Variants in PCBP3 observed in about 807,000 individuals in gnomAD.
The protein encoded by PCBP3 is poly(rC) binding protein 3.
PCBP3 carries 25 observed loss-of-function variants against 52.7 expected under a neutral mutation model. The ratio of observed to expected loss-of-function variants is 0.47; its 90% CI spans 0.35 to 0.66. The LOEUF (loss-of-function observed/expected upper bound fraction) is 0.66. Ranked by LOEUF, PCBP3 falls within the 30% of genes least tolerant of loss-of-function variation. The pLI is 0.01. For synonymous variants in PCBP3, 162 were observed against 183.0 expected (o/e 0.89, Z 0.93); for missense variants, 391 against 490.3 (o/e 0.80, Z 1.91).
At chr21:45,762,674 G>C (rs1436297841) in intron 4 of PCBP3, 1 of 151,804 alleles carries the variant, frequency 6.6e-6, no homozygotes, top group Admixed American at 6.6e-5. Flanking sequence ...ATTTTTAGTA[G>C]AGGCAGGGTT....
intron 4 of PCBP3, among the ~76,000 whole-genome samples, chr21:45,847,915 G>A (rs534889304): frequency 6.6e-6 from 1 of 152,160 alleles, no homozygotes; most frequent in Admixed American, 6.5e-5. Context: ...TTGCTTTTCT[G>A]TTTTGGGAAC....
chr21:45,744,510 A>G (rs1180042167), intron 3 of PCBP3, among the ~76,000 whole-genome samples: 3 of 152,060 alleles, frequency 2.0e-5, no homozygotes, highest in Non-Finnish European at 4.4e-5. Context: ...TTTTTCAGTC[A>G]TTTTATCTGT....
intron 2 of PCBP3, among the ~76,000 whole-genome samples, chr21:45,733,989 C>T (rs775230545): frequency 6.6e-6 from 1 of 152,212 alleles, no homozygotes; most frequent in East Asian, 1.9e-4. Context: ...TTGCATGCCT[C>T]GTCAGTTTTG....
At chr21:45,888,230 A>T (rs1292892590) in intron 5 of PCBP3, among the ~76,000 whole-genome samples, 1 of 152,178 alleles carries the variant, frequency 6.6e-6, no homozygotes, top group Non-Finnish European at 1.5e-5. Flanking sequence ...TGTAATAATG[A>T]CATCTCCTTT....
At chr21:45,900,941 C>A in intron 8 of PCBP3, 56 bp from the exon 9 acceptor site, 1 of 1,279,530 alleles carries the variant, frequency 7.8e-7, no homozygotes, top group Non-Finnish European at 1.1e-6. Flanking sequence ...CGGCCCCCGA[C>A]CCACTGGCCC....
intron 5 of PCBP3, chr21:45,869,459 T>C (rs1488047408): frequency 8.5e-5 from 13 of 152,528 alleles, no homozygotes; most frequent in Admixed American, 7.2e-4. Flanking sequence ...GGGCCCCTAC[T>C]GTGACCCGAG....
chr21:45,909,511 C>A (rs375755127), intron 10 of PCBP3, 25 bp downstream of exon 10: 46 of 1,607,808 alleles, frequency 2.9e-5, no homozygotes, highest in Non-Finnish European at 3.8e-5. Flanking sequence ...CCAGCCTGGG[C>A]CGCTGCGGAG....
At chr21:45,659,006 T>C (rs1261483444) in intron 1 of PCBP3, among the ~76,000 whole-genome samples, 1 of 152,052 alleles carries the variant, frequency 6.6e-6, no homozygotes, top group African/African-American at 2.4e-5. Flanking sequence ...TAGTTTTCTT[T>C]CTGATTTTAG....
chr21:45,894,437 G>A (rs893895001), intron 5 of PCBP3, among the ~76,000 whole-genome samples: 1 of 152,144 alleles, frequency 6.6e-6, no homozygotes, highest in South Asian at 2.1e-4. Context: ...GTGCGGGTCC[G>A]TCGGCACCCA....
At chr21:45,919,730 G>A (rs1231468191) in intron 13 of PCBP3, among the ~76,000 whole-genome samples, 1 of 152,238 alleles carries the variant, frequency 6.6e-6, no homozygotes, top group Admixed American at 6.5e-5. Context: ...CCACTAGGAA[G>A]CCGGGCTGTG....
At chr21:45,892,510 G>T (rs1375725487) in intron 5 of PCBP3, among the ~76,000 whole-genome samples, 1 of 100,984 alleles carries the variant, frequency 9.9e-6, no homozygotes, top group South Asian at 2.5e-4. Context: ...GGCGTGGAGG[G>T]CGCAGTCCCG....
chr21:45,699,815 A>G lies in PCBP3; in HGVS notation c.-200+30863A>G, dbSNP rs577181564. 9.2e-5 allele frequency among the ~76,000 whole-genome samples: 14 copies of G among 152,320 alleles called. No homozygotes were observed. The East Asian group carries it at 2.1e-3, about 23-fold the overall frequency. ...GGGAAAGACCCACCCGCGTGATTCA[A>G]TTATCTCCCACCAGGTCCCTCCCAC... On this transcript the variant is annotated intron_variant, in intron 2 of 17. Coordinates refer to ENST00000681687, the MANE Select transcript of PCBP3 (RefSeq NM_001384156.1).
intron 4 of PCBP3, among the ~76,000 whole-genome samples, chr21:45,840,429 C>T (rs1468304995): frequency 6.8e-6 from 1 of 146,484 alleles, no homozygotes; most frequent in Non-Finnish European, 1.5e-5. Flanking sequence ...TGCACTCCAG[C>T]CTGGGTGACA....
chr21:45,715,626 C>A (rs926334615), intron 2 of PCBP3, among the ~76,000 whole-genome samples: 1 of 152,138 alleles, frequency 6.6e-6, no homozygotes, highest in African/African-American at 2.4e-5. Flanking sequence ...AACAATTTTG[C>A]ATGTCTTCAC....
At chr21:45,878,303 G>T (rs552127907) in intron 5 of PCBP3, among the ~76,000 whole-genome samples, 2 of 152,362 alleles carry the variant, frequency 1.3e-5, no homozygotes, top group South Asian at 4.1e-4. Flanking sequence ...GGGTCCTCCC[G>T]GGGCTGTTTC....
At chr21:45,832,306 G>T (rs1017003613) in intron 4 of PCBP3, among the ~76,000 whole-genome samples, 5 of 152,166 alleles carry the variant, frequency 3.3e-5, no homozygotes, top group African/African-American at 1.2e-4. Flanking sequence ...TTTTGGTGGG[G>T]TTTGGCCAAC....
chr21:45,784,586 G>T (rs950326817), intron 4 of PCBP3, among the ~76,000 whole-genome samples: 1 of 151,640 alleles, frequency 6.6e-6, no homozygotes, highest in Non-Finnish European at 1.5e-5. Context: ...TCAGCCTGCC[G>T]AGTGCCTGCA....
chr21:45,794,832 G>A (rs568235808), intron 4 of PCBP3, among the ~76,000 whole-genome samples: 2 of 152,174 alleles, frequency 1.3e-5, no homozygotes, highest in South Asian at 4.2e-4. Context: ...GGGAGGCTGA[G>A]GCAGGAGAAT....
chr21:45,897,629 G>A (rs761896610), intron 6 of PCBP3, among the ~76,000 whole-genome samples: 6 of 152,174 alleles, frequency 3.9e-5, no homozygotes, highest in African/African-American at 7.2e-5. Flanking sequence ...ACGAGTCCCT[G>A]TTCCTATAGC....
Sources: gnomAD v4.1 joint callset for allele counts (sites outside exome capture counted in the v4.1 genomes callset) on GRCh38, gnomAD v4.1.1 for gene constraint, MANE v1.5 for transcripts, NCBI Gene and HGNC (gene_info 2026-07-23, HGNC 2026-07-21) for gene names.